Variants in FER1L6 observed in about 807,000 individuals in gnomAD.
The protein encoded by FER1L6 is fer-1 like family member 6, also known as fer-1-like protein 6.
A neutral mutation model predicts 219.2 loss-of-function variants in FER1L6; 177 were observed. That is an observed-to-expected ratio of 0.81 (90% CI 0.71 to 0.91). FER1L6 has a LOEUF of 0.91. FER1L6 is among the 40% of genes least tolerant of loss of function. The pLI is 0.00. For missense variants in FER1L6, 2,153 were observed against 2,259.9 expected, an observed-to-expected ratio of 0.95 and a Z score of 0.96; for synonymous variants, 768 against 824.3, an observed-to-expected ratio of 0.93 and a Z score of 1.17.
chr8:124,073,475 A>G (rs1563782868), intron 31 of FER1L6, among the ~76,000 whole-genome samples: 1 of 152,224 alleles, frequency 6.6e-6, no homozygotes, highest in Non-Finnish European at 1.5e-5. Flanking sequence ...TAATAATTAA[A>G]TGAATTCTCA....
At position 123,853,588 on chromosome 8, in the gene FER1L6, G is replaced by T. The variant is rs1816564932; in HGVS notation, c.-8+1403G>T. Reference sequence around the variant, plus strand: ...TCCTGGGGTATTGTATTAATCAGGGGAGATTTTACAAGGGTGGATGAGTAG... The same window carrying T: ...TCCTGGGGTATTGTATTAATCAGGGTAGATTTTACAAGGGTGGATGAGTAG... On this transcript the variant is annotated intron_variant, in intron 1 of 40. Transcript: ENST00000522917. The surrounding 1 kb of genome is among the most constrained non-coding windows in gnomAD (Gnocchi z 6.6). 6.6e-6 allele frequency among the ~76,000 whole-genome samples: 1 copy of T among 152,192 alleles called. No individual in the cohort carries two copies. Among genetic ancestry groups the T allele is most frequent in the Admixed American group, 6.5e-5 (1 of 15,288 alleles).
chr8:123,854,196 G>A (rs1344449654), intron 1 of FER1L6, among the ~76,000 whole-genome samples: 3 of 152,136 alleles, frequency 2.0e-5, no homozygotes, highest in African/African-American at 4.8e-5. Flanking sequence ...GCTTTTCTGA[G>A]CTGTTTCGAG....
chr8:124,061,272 A>T (rs9297683), intron 24 of FER1L6, among the ~76,000 whole-genome samples: 124,922 of 152,208 alleles, frequency 0.82, 51,412 homozygotes, highest in Non-Finnish European at 0.86. Flanking sequence ...TTCAGCATAC[A>T]TTTTTGTGCT....
At chr8:124,015,607 A>ATGTGTATGTATG (rs71303477) in intron 15 of FER1L6, among the ~76,000 whole-genome samples, 1 of 88,606 alleles carries the variant, frequency 1.1e-5, no homozygotes, top group African/African-American at 4.3e-5. Flanking sequence ...ATATATATAT[A>ATGTGTATGTATG]TATATATATT....
chr8:123,906,120 A>G (rs1812948348), intron 1 of FER1L6, among the ~76,000 whole-genome samples: 3 of 152,198 alleles, frequency 2.0e-5, no homozygotes, highest in South Asian at 2.1e-4. Flanking sequence ...TGTGGCTCCC[A>G]ATACTGGGTA....
chr8:124,053,626 G>T (rs756284538), intron 22 of FER1L6, among the ~76,000 whole-genome samples: 12 of 152,114 alleles, frequency 7.9e-5, no homozygotes, highest in Non-Finnish European at 1.6e-4. Context: ...GGATTTAGAG[G>T]CGGGGAGGAT....
At chr8:123,974,905 C>T (rs1815994667) in intron 7 of FER1L6, among the ~76,000 whole-genome samples, 1 of 151,846 alleles carries the variant, frequency 6.6e-6, no homozygotes, top group Non-Finnish European at 1.5e-5. Context: ...GTGATTTCTA[C>T]TAAGTCAATG....
chr8:123,923,496 A>G (rs936322806), intron 1 of FER1L6, among the ~76,000 whole-genome samples: 3 of 152,218 alleles, frequency 2.0e-5, no homozygotes, highest in South Asian at 4.1e-4. Context: ...AAAATTCTGC[A>G]GGTACTCCCG....
chr8:124,119,310 T>C (rs972162053), intron 40 of FER1L6, among the ~76,000 whole-genome samples: 2 of 152,088 alleles, frequency 1.3e-5, no homozygotes, highest in African/African-American at 2.4e-5. Flanking sequence ...AAAGACTTCA[T>C]AGAAAAGGTG....
At chr8:123,891,356 T>C (rs1164873033) in intron 1 of FER1L6, among the ~76,000 whole-genome samples, 1 of 152,194 alleles carries the variant, frequency 6.6e-6, no homozygotes, top group Non-Finnish European at 1.5e-5. Context: ...TGTCGTATAA[T>C]ATTTAAACAA....
intron 22 of FER1L6, among the ~76,000 whole-genome samples, chr8:124,056,516 A>G (rs1820305431): frequency 6.6e-6 from 1 of 152,234 alleles, no homozygotes; most frequent in African/African-American, 2.4e-5. Context: ...ATTGGCTTAA[A>G]AAATGAGATA....
chr8:123,995,012 G>C (rs1234014258), intron 12 of FER1L6, among the ~76,000 whole-genome samples: 1 of 152,178 alleles, frequency 6.6e-6, no homozygotes, highest in Non-Finnish European at 1.5e-5. Context: ...TATCCCAGAG[G>C]CAATTTATCT....
intron 13 of FER1L6, among the ~76,000 whole-genome samples, chr8:124,007,919 C>T (rs1484959195): frequency 6.6e-6 from 1 of 152,116 alleles, no homozygotes; most frequent in Non-Finnish European, 1.5e-5. Flanking sequence ...TTATATAATG[C>T]ACTTACATCT....
Position 124,069,527 on chromosome 8 carries a change from A to G in FER1L6, c.3834+52A>G, listed in dbSNP as rs778382413. The G allele has an allele frequency of 1.2e-5, 16 of 1,345,726 alleles. No homozygotes were observed. The South Asian group carries it at 1.9e-4, about 16-fold the overall frequency. The allele number at this position is 1,345,726 out of a possible 1,614,324, so 83.4% of individuals were successfully genotyped here. A position where few individuals can be genotyped will look rare whatever the true frequency, so the allele number is the denominator to read the frequency against. The stretch of plus-strand genomic sequence containing the variant: ...CATGGATGGGGAGGGATGCTCAGCA[A>G]TGAGGTTCTGTCAGTGCTTTGGTCA... On this transcript the variant is annotated intron_variant, in intron 29 of 40. Coordinates refer to ENST00000522917, the MANE Select transcript of FER1L6 (RefSeq NM_001039112.2).
intron 31 of FER1L6, among the ~76,000 whole-genome samples, chr8:124,072,722 GGAA>G (rs1821126057): frequency 6.6e-6 from 1 of 152,280 alleles, no homozygotes; most frequent in African/African-American, 2.4e-5. Flanking sequence ...CTGCCTTCAG[GGAA>G]GTCACAGTGT....
intron 38 of FER1L6, among the ~76,000 whole-genome samples, chr8:124,102,842 A>T (rs918721882): frequency 6.6e-6 from 1 of 152,204 alleles, no homozygotes; most frequent in Non-Finnish European, 1.5e-5. Context: ...GGAGCAGAGG[A>T]GGTGGTCAGC....
intron 38 of FER1L6, among the ~76,000 whole-genome samples, 189 bp from the exon 39 acceptor site, chr8:124,102,957 T>C (rs1477083642): frequency 6.6e-6 from 1 of 152,226 alleles, no homozygotes; most frequent in African/African-American, 2.4e-5. Flanking sequence ...GATTAATCTT[T>C]TGATGGCACC....
chr8:123,981,371 C>T (rs1199455846), intron 11 of FER1L6, among the ~76,000 whole-genome samples: 1 of 152,180 alleles, frequency 6.6e-6, no homozygotes, highest in Non-Finnish European at 1.5e-5. Context: ...ATCTGAGACT[C>T]TAAGAGGAAT....
chr8:123,979,294 A>G (rs950394202), intron 10 of FER1L6, among the ~76,000 whole-genome samples: 17 of 152,230 alleles, frequency 1.1e-4, no homozygotes, highest in Non-Finnish European at 2.9e-5. Flanking sequence ...ATTTTGAGAA[A>G]TAAAATGCCA....
Sources: allele counts gnomAD v4.1 joint callset (sites outside exome capture counted in the v4.1 genomes callset), GRCh38; gene constraint gnomAD v4.1.1; non-coding constraint Gnocchi (gnomAD v3.1); transcripts MANE v1.5; gene names NCBI Gene and HGNC (gene_info 2026-07-23, HGNC 2026-07-21).